Variants in NECTIN3 observed in about 807,000 individuals in gnomAD.
NECTIN3 encodes nectin cell adhesion molecule 3.
A neutral mutation model predicts 49.4 loss-of-function variants in NECTIN3; 8 were observed. The ratio of observed to expected loss-of-function variants is 0.16; its 90% CI spans 0.10 to 0.29. The LOEUF (loss-of-function observed/expected upper bound fraction) is 0.29. Among genes scored for constraint, NECTIN3 ranks in the 10% least tolerant of loss-of-function variants. The pLI, the probability that NECTIN3 is intolerant of heterozygous loss-of-function variation, is 1.00. For missense variants in NECTIN3, 581 were observed against 654.6 expected (o/e 0.89, Z 1.23); for synonymous variants, 277 against 241.1 (o/e 1.15, Z -1.38).
Position 111,077,344 on chromosome 3 carries a change from T to TAA in NECTIN3, c.160+5185_160+5186dup, listed in dbSNP as rs10667346. ...AAAACTTTGGTTTCAACTTTAATGG[T>TAA]AAAAAAAAAAAAAAAAAAAGATCAA... On this transcript the variant is annotated intron_variant, in intron 1 of 5. Coordinates refer to ENST00000485303, the MANE Select transcript of NECTIN3 (RefSeq NM_015480.3). 7.8e-4 allele frequency: 63 copies of TAA among 80,316 alleles called. 2 individuals carry two copies. Among genetic ancestry groups the TAA allele is most frequent in the South Asian group, 2.1e-3 (5 of 2,386 alleles). 5.0% of individuals were successfully genotyped at this position (80,316 alleles called of 1,614,324 possible).
chr3:111,096,183 C>T (rs2032574196), intron 1 of NECTIN3, among the ~76,000 whole-genome samples: 1 of 152,190 alleles, frequency 6.6e-6, no homozygotes, highest in Non-Finnish European at 1.5e-5. Flanking sequence ...CTGTTGGAAA[C>T]TGGAGCAAAG....
At chr3:111,112,404 A>T in intron 2 of NECTIN3, 33 bp downstream of exon 2, 1 of 1,224,162 alleles carries the variant, frequency 8.2e-7, no homozygotes, top group South Asian at 2.0e-5. Context: ...TTTTGGTGAT[A>T]GTGGTGAAGA....
chr3:111,180,934 A>T (rs2035614735), intron 7 of NECTIN3, among the ~76,000 whole-genome samples: 1 of 152,168 alleles, frequency 6.6e-6, no homozygotes, highest in African/African-American at 2.4e-5. Context: ...GACAAGTTAG[A>T]GTTTTTTTTA....
upstream of NECTIN3, among the ~76,000 whole-genome samples, chr3:111,189,381 T>G (rs1430142418): frequency 6.6e-6 from 1 of 152,178 alleles, no homozygotes; most frequent in Non-Finnish European, 1.5e-5. Flanking sequence ...TATTTAGGTT[T>G]TATTATTATA....
At position 111,150,448 on chromosome 3, in the gene NECTIN3, G is replaced by T. The variant is rs536007544; in HGVS notation, c.1221+2964G>T. Among the ~76,000 whole-genome samples, 11 of 151,724 alleles carry T rather than the reference G, an allele frequency of 7.3e-5. No individual in the cohort carries two copies. The East Asian group carries it at 1.9e-3, about 27-fold the overall frequency. ...TCAGTTTTCATGACTTAAGACATTT[G>T]GTTTATATATACACAAATATGTATA... is the stretch of plus-strand genomic sequence containing the variant. On this transcript the variant is annotated intron_variant, in intron 7 of 8. Transcript: ENST00000493615.
intron 1 of NECTIN3, among the ~76,000 whole-genome samples, chr3:111,086,986 A>G (rs1169317737): frequency 6.6e-6 from 1 of 151,996 alleles, no homozygotes; most frequent in African/African-American, 2.4e-5. Flanking sequence ...ATTTATTTCA[A>G]GTTATTTGGC....
intron 7 of NECTIN3, among the ~76,000 whole-genome samples, chr3:111,162,567 G>A (rs1478753615): frequency 6.6e-6 from 1 of 152,170 alleles, no homozygotes; most frequent in Non-Finnish European, 1.5e-5. Context: ...CGCAGTCTCA[G>A]GCAGTCCTTT....
chr3:111,108,964 T>C (rs1354087387), intron 1 of NECTIN3, among the ~76,000 whole-genome samples: 2 of 152,132 alleles, frequency 1.3e-5, no homozygotes, highest in African/African-American at 2.4e-5. Context: ...TATAACAAAA[T>C]ACTGTAAACT....
At chr3:111,105,843 A>G (rs2033157146) in intron 1 of NECTIN3, among the ~76,000 whole-genome samples, 1 of 152,166 alleles carries the variant, frequency 6.6e-6, no homozygotes, top group Non-Finnish European at 1.5e-5. Flanking sequence ...TTAACTTGAA[A>G]TGGTTGTTTC....
chr3:111,181,150 C>A (rs567208638), intron 7 of NECTIN3, among the ~76,000 whole-genome samples: 6 of 152,310 alleles, frequency 3.9e-5, no homozygotes, highest in African/African-American at 1.4e-4. Flanking sequence ...TCTCTGGCAA[C>A]CATTGTTGTG....
chr3:111,145,972 CTT>C (rs2034864196), intron 6 of NECTIN3, among the ~76,000 whole-genome samples: 1 of 152,142 alleles, frequency 6.6e-6, no homozygotes, highest in East Asian at 1.9e-4. Flanking sequence ...TGAACAAGTA[CTT>C]TATCTCAATG....
intron 1 of NECTIN3, 91 bp from the exon 2 acceptor site, chr3:111,111,939 A>T: frequency 1.4e-6 from 1 of 694,514 alleles, no homozygotes; most frequent in Non-Finnish European, 2.5e-6. Context: ...GTGTGTAGCT[A>T]GAGATAGTTA....
intron 1 of NECTIN3, chr3:111,072,401 C>G (rs765603389): frequency 2.6e-6 from 4 of 1,517,308 alleles, no homozygotes; most frequent in African/African-American, 2.8e-5. Flanking sequence ...CCCCCGCGGC[C>G]GCGCGGGTCG....
chr3:111,101,135 TGTTCTAAA>T (rs1430727431), intron 1 of NECTIN3, among the ~76,000 whole-genome samples: 1 of 152,168 alleles, frequency 6.6e-6, no homozygotes, highest in African/African-American at 2.4e-5. Context: ...GGTCTCTTCC[TGTTCTAAA>T]GTTTTGTGCT....
chr3:111,099,131 T>C (rs1053178954), intron 1 of NECTIN3, among the ~76,000 whole-genome samples: 1 of 152,134 alleles, frequency 6.6e-6, no homozygotes, highest in Admixed American at 6.5e-5. Flanking sequence ...TCACCTAACA[T>C]CCATCATAAA....
Position 111,133,824 on chromosome 3 carries a change from G to C in NECTIN3, c.1259G>C (p.Ser420Thr), listed in dbSNP as rs1230459532. The C allele has an allele frequency of 4.3e-6, 7 of 1,613,972 alleles. No homozygotes were observed. The highest frequency in any genetic ancestry group is 5.9e-6 in the Non-Finnish European group (7 of 1,179,898). ...GGGGCTCTCTTCATAGTACTTGTAA[G>C]TGTTTTGGCTGGAATATTCTGCTAT... is the stretch of plus-strand genomic sequence containing the variant. ...VGGALFIVLV[S>T]VLAGIFCYRR... is the part of the protein sequence containing the mutation. Residue 420 changes from serine (S) to threonine (T), a missense_variant, in exon 6 of 6, where the codon AGT becomes ACT. Ser to Thr is a moderately conservative substitution (Grantham distance 58). Around this residue, in one of 3 missense-constraint regions of NECTIN3, gnomAD observed 238 missense variants for 244.9 expected, o/e 0.97. Transcript: ENST00000485303.
At chr3:111,188,249 G>A (rs961164379), upstream of NECTIN3, among the ~76,000 whole-genome samples, 2 of 152,154 alleles carry the variant, frequency 1.3e-5, no homozygotes, top group African/African-American at 2.4e-5. Context: ...AGTTTATATA[G>A]CCACACAGTG....
intron 1 of NECTIN3, among the ~76,000 whole-genome samples, chr3:111,093,448 G>A (rs1430513863): frequency 7.2e-6 from 1 of 139,738 alleles, no homozygotes; most frequent in Non-Finnish European, 1.5e-5. Flanking sequence ...TTTTGAGACA[G>A]AGTTTCGCTC....
At chr3:111,149,459 A>ATGTG (rs56219611) in intron 7 of NECTIN3, among the ~76,000 whole-genome samples, 6,680 of 128,324 alleles carry the variant, frequency 0.052, 196 homozygotes, top group East Asian at 0.073. Context: ...TTCTGGTAGG[A>ATGTG]TGTGTGTGTG....
Sources: gnomAD v4.1 joint callset for allele counts (sites outside exome capture counted in the v4.1 genomes callset) on GRCh38, gnomAD v4.1.1 for gene constraint, gnomAD v4.1.1 regional missense constraint, MANE v1.5 for transcripts, NCBI Gene and HGNC (gene_info 2026-07-23, HGNC 2026-07-21) for gene names.